ANKRD30B: variants seen among roughly 807,000 people sequenced by gnomAD.
The protein encoded by ANKRD30B is ankyrin repeat domain-containing protein 30B.
ANKRD30B carries 144 observed loss-of-function variants against 202.2 expected under a neutral mutation model. The observed-to-expected ratio is 0.71, with a 90% CI of 0.62 to 0.82. The LOEUF (loss-of-function observed/expected upper bound fraction) is 0.82. ANKRD30B is among the 40% of genes least tolerant of loss of function. ANKRD30B has a pLI of 0.00. For synonymous variants in ANKRD30B, 508 were observed against 561.3 expected (o/e 0.91, Z 1.34); for missense variants, 1,487 against 1,669.1 (o/e 0.89, Z 1.90).
the ANKRD30B span, among the ~76,000 whole-genome samples, chr18:14,881,357 T>A: frequency 7.9e-5 from 12 of 152,218 alleles, no homozygotes; most frequent in South Asian, 2.1e-4. Context: ...TGAGTTTTTT[T>A]AATTCTGTTT....
chr18:14,792,518 A>C (rs1381464201), intron 16 of ANKRD30B, among the ~76,000 whole-genome samples: 3 of 152,098 alleles, frequency 2.0e-5, no homozygotes, highest in African/African-American at 7.2e-5. Context: ...ATTATGAGGC[A>C]GGAAGCAGGG....
the ANKRD30B span, among the ~76,000 whole-genome samples, chr18:14,870,215 G>A: frequency 6.6e-6 from 1 of 152,210 alleles, no homozygotes; most frequent in Admixed American, 6.5e-5. Context: ...TGCAGGCTCA[G>A]ACAATCCTTC....
At chr18:14,881,714 T>G in the ANKRD30B span, among the ~76,000 whole-genome samples, 13 of 152,114 alleles carry the variant, frequency 8.5e-5, no homozygotes, top group African/African-American at 3.1e-4. Context: ...AGAATTCTGC[T>G]GTGAATCTGT....
At chr18:14,779,398 G>T (rs953652365) in intron 10 of ANKRD30B, among the ~76,000 whole-genome samples, 3 of 152,180 alleles carry the variant, frequency 2.0e-5, no homozygotes, top group Non-Finnish European at 4.4e-5. Flanking sequence ...TTTATATGCA[G>T]TACAAGTTCT....
chr18:14,767,274 G>C (rs763290807), intron 7 of ANKRD30B, among the ~76,000 whole-genome samples: 28 of 152,062 alleles, frequency 1.8e-4, no homozygotes, highest in Non-Finnish European at 1.5e-5. Flanking sequence ...TTATCCATGG[G>C]GGGTATTTTC....
chr18:14,792,407 C>G (rs186018638), intron 16 of ANKRD30B, among the ~76,000 whole-genome samples: 10 of 151,318 alleles, frequency 6.6e-5, no homozygotes, highest in African/African-American at 9.7e-5. Context: ...AAATTGTAGA[C>G]GGAAGATACT....
chr18:14,862,557 CAGAA>C, the ANKRD30B span, among the ~76,000 whole-genome samples: 2 of 152,158 alleles, frequency 1.3e-5, no homozygotes, highest in Non-Finnish European at 2.9e-5. Flanking sequence ...AAGACTGAAT[CAGAA>C]AGAAACCAAA....
At chr18:14,797,952 A>C in intron 20 of ANKRD30B, 98 bp downstream of exon 20, 1 of 1,147,494 alleles carries the variant, frequency 8.7e-7, no homozygotes, top group South Asian at 1.6e-5. Flanking sequence ...TCTTTTGAAA[A>C]TTTGATGGGA....
the ANKRD30B span, among the ~76,000 whole-genome samples, chr18:14,906,999 C>T: frequency 2.6e-5 from 4 of 151,868 alleles, no homozygotes; most frequent in East Asian, 3.9e-4. Flanking sequence ...TAAAGACCTG[C>T]GATCAATAGA....
At chr18:14,919,309 G>A in the ANKRD30B span, among the ~76,000 whole-genome samples, 59,123 of 152,216 alleles carry the variant, frequency 0.39, 14,052 homozygotes, top group East Asian at 0.58. Context: ...AGGCCTGACA[G>A]GACTCAGAAG....
At chr18:14,794,368 G>A (rs1481870043) in intron 16 of ANKRD30B, among the ~76,000 whole-genome samples, 2 of 151,272 alleles carry the variant, frequency 1.3e-5, no homozygotes, top group African/African-American at 2.4e-5. Flanking sequence ...TCATCTCTGC[G>A]TGTTTTGCTT....
Position 14,808,861 on chromosome 18 carries a change from T to A in ANKRD30B, c.2386+117T>A, listed in dbSNP as rs1313309698. ...TAGAAAATTTGGTGGGAAAATTTGA[T>A]ACAAATAATGCAAATGTTAGTATTT... is the stretch of plus-strand genomic sequence containing the variant. On this transcript the variant is annotated intron_variant, in intron 26 of 43. Coordinates refer to ENST00000690538, the MANE Select transcript of ANKRD30B (RefSeq NM_001367607.2). The A allele has an allele frequency of 4.4e-5, 42 of 955,352 alleles. No individual in the cohort carries two copies. In the African/African-American group the frequency reaches 6.0e-4, roughly 14 times the overall value. The allele number at this position is 955,352 out of a possible 1,614,324, so 59.2% of individuals were successfully genotyped here.
At chr18:14,808,298 T>G (rs1969658387) in intron 24 of ANKRD30B, 1 of 488,132 alleles carries the variant, frequency 2.0e-6, no homozygotes, top group East Asian at 4.7e-5. Context: ...TTAGTTATTG[T>G]CAGTTGAAAT....
At chr18:14,902,773 C>T in the ANKRD30B span, among the ~76,000 whole-genome samples, 11 of 152,182 alleles carry the variant, frequency 7.2e-5, no homozygotes, top group South Asian at 8.3e-4. Context: ...CCACTCTAGG[C>T]CCCCTACTAG....
intron 4 of ANKRD30B, among the ~76,000 whole-genome samples, chr18:14,756,389 G>T (rs1365999781): frequency 1.3e-5 from 2 of 152,112 alleles, no homozygotes; most frequent in Non-Finnish European, 2.9e-5. Context: ...CTTTTGCTGT[G>T]CAGAAGCTCT....
At position 14,791,821 on chromosome 18, in the gene ANKRD30B, C is replaced by T. The variant is rs575501722; in HGVS notation, c.1825+330C>T. Among the ~76,000 whole-genome samples, 57 of 152,148 alleles carry T rather than the reference C, an allele frequency of 3.7e-4. 1 individual carries two copies. Among genetic ancestry groups the T allele is most frequent in the Admixed American group, 8.5e-4 (13 of 15,290 alleles). ...AGAGAGGACGGGAAGGAACAAGAGG[C>T]AGGTTTATATAATGGAGGATGGTAA... On this transcript the variant is annotated intron_variant, in intron 16 of 43. Transcript: ENST00000690538.
intron 30 of ANKRD30B, among the ~76,000 whole-genome samples, chr18:14,820,039 G>A (rs1355207085): frequency 1.3e-5 from 2 of 152,000 alleles, no homozygotes; most frequent in African/African-American, 4.8e-5. Flanking sequence ...TTATTTCATT[G>A]AGCAGTGGTT....
At position 14,845,778 on chromosome 18, in the gene ANKRD30B, A is replaced by G. The variant is rs138652939; in HGVS notation, c.3181+2682A>G. Among the ~76,000 whole-genome samples the G allele has an allele frequency of 1.7e-3, 257 of 152,308 alleles. 7 individuals carry two copies. In the East Asian group the frequency reaches 0.043, roughly 26 times the overall value. On this transcript the variant is annotated intron_variant, in intron 39 of 43. Transcript: ENST00000690538. ...CACAGTTCAAGATCAAGTTATCATC[A>G]GATTTGATGTCTGAAGAGGTACCAC...
At chr18:14,808,364 T>C in intron 24 of ANKRD30B, 187 bp from the exon 25 acceptor site, 1 of 650,776 alleles carries the variant, frequency 1.5e-6, no homozygotes, top group Non-Finnish European at 2.8e-6. Context: ...TTTTTTAAAT[T>C]TTCTTAAGTA....
Sources: allele counts gnomAD v4.1 joint callset (sites outside exome capture counted in the v4.1 genomes callset), GRCh38; gene constraint gnomAD v4.1.1; transcripts MANE v1.5; gene names NCBI Gene and HGNC (gene_info 2026-07-23, HGNC 2026-07-21).